PPM1E: variants seen among roughly 807,000 people sequenced by gnomAD.
PPM1E encodes the protein protein phosphatase, Mg2+/Mn2+ dependent 1E, also known as protein phosphatase 1E.
A neutral mutation model predicts 65.9 loss-of-function variants in PPM1E; 20 were observed. The ratio of observed to expected loss-of-function variants is 0.30; its 90% CI spans 0.21 to 0.44. PPM1E has a LOEUF of 0.44. PPM1E is among the 20% of genes least tolerant of loss of function. PPM1E has a pLI of 1.00. For missense variants in PPM1E, 713 were observed against 953.1 expected (o/e 0.75, Z 3.32); for synonymous variants, 352 against 374.9 (o/e 0.94, Z 0.70).
At chr17:58,941,465 T>G (rs1435643142) in intron 1 of PPM1E, among the ~76,000 whole-genome samples, 1 of 137,306 alleles carries the variant, frequency 7.3e-6, no homozygotes, top group African/African-American at 2.7e-5. Context: ...GAGGCTGAGG[T>G]TGGCGGGTCA....
At chr17:58,891,296 A>G (rs2143431287) in intron 1 of PPM1E, among the ~76,000 whole-genome samples, 1 of 152,138 alleles carries the variant, frequency 6.6e-6, no homozygotes, top group Admixed American at 6.5e-5. Context: ...TGAATGAATC[A>G]ATAAGCCTCT....
intron 1 of PPM1E, among the ~76,000 whole-genome samples, chr17:58,818,300 CAG>C (rs1382155146): frequency 6.6e-6 from 1 of 152,138 alleles, no homozygotes; most frequent in Non-Finnish European, 1.5e-5. Flanking sequence ...AGAGGTTTAA[CAG>C]AGAGGTTAAA....
At chr17:58,858,442 ATC>A (rs1014653150) in intron 1 of PPM1E, among the ~76,000 whole-genome samples, 3 of 151,836 alleles carry the variant, frequency 2.0e-5, no homozygotes, top group African/African-American at 7.3e-5. Context: ...CCTTTAACAA[ATC>A]TCTCTCTATC....
At chr17:58,920,709 A>G (rs1050621233) in intron 1 of PPM1E, among the ~76,000 whole-genome samples, 2 of 152,238 alleles carry the variant, frequency 1.3e-5, no homozygotes, top group African/African-American at 4.8e-5. Context: ...AGCATTAGAT[A>G]TCCAAGAGCA....
At chr17:58,790,609 G>A (rs2050147903) in intron 1 of PPM1E, among the ~76,000 whole-genome samples, 3 of 152,096 alleles carry the variant, frequency 2.0e-5, no homozygotes, top group Admixed American at 2.0e-4. Context: ...CTGGGTCTCT[G>A]GAAATATTTT....
intron 1 of PPM1E, among the ~76,000 whole-genome samples, chr17:58,932,698 A>G (rs986857477): frequency 1.3e-5 from 2 of 152,212 alleles, no homozygotes; most frequent in Non-Finnish European, 2.9e-5. Flanking sequence ...CATATGAAAA[A>G]TATTATTATT....
chr17:58,873,042 C>G (rs1342832077), intron 1 of PPM1E, among the ~76,000 whole-genome samples: 1 of 152,172 alleles, frequency 6.6e-6, no homozygotes, highest in Non-Finnish European at 1.5e-5. Context: ...ACATTCCTCT[C>G]AAGGCTCAAA....
In PPM1E at chr17:58,917,674, C is replaced by G. The variant is rs141319074; in HGVS notation, c.465-37975C>G. The stretch of plus-strand genomic sequence containing the variant: ...GAAAATAAAATGACTTTGAGCCCTT[C>G]TATAGTATTTATCTACTGCCAACTA... On this transcript the variant is annotated intron_variant, in intron 1 of 6. Coordinates refer to ENST00000308249, the MANE Select transcript of PPM1E (RefSeq NM_014906.5). 5.2e-3 allele frequency among the ~76,000 whole-genome samples: 798 copies of G among 152,264 alleles called. 16 individuals are homozygous for G. Among genetic ancestry groups the G allele is most frequent in the African/African-American group, 0.018 (752 of 41,556 alleles).
chr17:58,933,734 T>C (rs111976736), intron 1 of PPM1E, among the ~76,000 whole-genome samples: 9 of 150,894 alleles, frequency 6.0e-5, no homozygotes, highest in Non-Finnish European at 1.2e-4. Context: ...AAGTGGAGGT[T>C]TCAGTGAGCC....
At chr17:58,966,005 AT>A in intron 3 of PPM1E, 112 bp downstream of exon 3, 1 of 1,177,940 alleles carries the variant, frequency 8.5e-7, no homozygotes, top group Non-Finnish European at 1.2e-6. Flanking sequence ...TCTCTGGTAG[AT>A]TAGAGTAGGG....
Position 58,930,250 on chromosome 17 carries a change from T to TAC in PPM1E, c.465-25365_465-25364dup, listed in dbSNP as rs377147999. Among the ~76,000 whole-genome samples, 591 of 143,298 alleles carry TAC rather than the reference T, an allele frequency of 4.1e-3. 6 individuals carry two copies. Among genetic ancestry groups the TAC allele is most frequent in the African/African-American group, 0.011 (443 of 39,020 alleles). The allele number at this position is 143,298 out of a possible 152,430, so 94.0% of individuals were successfully genotyped here. A position where few individuals can be genotyped will look rare whatever the true frequency, so the allele number is the denominator to read the frequency against. On this transcript the variant is annotated intron_variant, in intron 1 of 6. Transcript: ENST00000308249. ...ACCTCTACAATAAATTAAATGTATA[T>TAC]ACACACACACACACACACACACACA... is the stretch of plus-strand genomic sequence containing the variant.
intron 1 of PPM1E, among the ~76,000 whole-genome samples, chr17:58,799,805 C>T (rs2050242325): frequency 6.6e-6 from 1 of 152,136 alleles, no homozygotes; most frequent in Non-Finnish European, 1.5e-5. Context: ...GTCTCCAACT[C>T]CTGAGCTCAA....
rs780992600 is a variant in PPM1E at position 58,792,743 on chromosome 17, CTTTTTTTTTTTTT to C, written c.464+36299_464+36311del. On this transcript the variant is annotated intron_variant, in intron 1 of 6. Coordinates refer to ENST00000308249, the MANE Select transcript of PPM1E (RefSeq NM_014906.5). ...TATTTTATTTTATAAGAATTTTACTCTTTTTTTTTTTTTTTTTTTTTTTTTTTTTGAGATGGAG... is the reference window on the plus strand; with the variant it reads ...TATTTTATTTTATAAGAATTTTACTCTTTTTTTTTTTTTTTTGAGATGGAG... 5.5e-3 allele frequency among the ~76,000 whole-genome samples: 419 copies of C among 76,386 alleles called. 7 individuals carry two copies. Among genetic ancestry groups the C allele is most frequent in the African/African-American group, 0.024 (381 of 15,652 alleles). 50.1% of individuals were successfully genotyped at this position (76,386 alleles called of 152,430 possible). A position where few individuals can be genotyped will look rare whatever the true frequency, so the allele number is the denominator to read the frequency against.
rs1056566948 is a variant in PPM1E, at chr17:58,943,844, A to G, written c.465-11805A>G. Among the ~76,000 whole-genome samples the G allele has an allele frequency of 2.0e-5, 3 of 152,160 alleles. No individual in the cohort carries two copies. The East Asian group carries it at 5.8e-4, about 29-fold the overall frequency. Reference sequence around the variant, plus strand: ...CCTTCTTTAGAATGTAAGCTCTAAGAGGGCAGGGGTTTTTTCTTTTTTGTT... The same window carrying G: ...CCTTCTTTAGAATGTAAGCTCTAAGGGGGCAGGGGTTTTTTCTTTTTTGTT... On this transcript the variant is annotated intron_variant, in intron 1 of 6. Transcript: ENST00000308249.
intron 1 of PPM1E, among the ~76,000 whole-genome samples, chr17:58,872,423 A>G (rs1202618655): frequency 6.6e-6 from 1 of 152,224 alleles, no homozygotes; most frequent in Non-Finnish European, 1.5e-5. Flanking sequence ...GATTGGGTGA[A>G]TGAAAGTAAT....
rs548860383 is a variant in PPM1E, at chr17:58,828,340, GTCC to G, written c.464+71884_464+71886del. Among the ~76,000 whole-genome samples the G allele has an allele frequency of 1.7e-4, 26 of 152,050 alleles. 1 individual carries two copies. In the South Asian group the frequency reaches 4.8e-3, roughly 28 times the overall value. On this transcript the variant is annotated intron_variant, in intron 1 of 6. Coordinates refer to ENST00000308249, the MANE Select transcript of PPM1E (RefSeq NM_014906.5). ...TTACCCTTTTCTTCTTCATTCTCAA[GTCC>G]TCCTTGGAAACAACTATTTTAATTT...
chr17:58,947,110 GTTTTTTTTTTTT>G (rs56666470), intron 1 of PPM1E, among the ~76,000 whole-genome samples: 1 of 44,072 alleles, frequency 2.3e-5, no homozygotes, highest in Non-Finnish European at 3.7e-5. Flanking sequence ...CCTTTTTCCT[GTTTTTTTTTTTT>G]TTTTTTTTTT....
chr17:58,819,675 G>T (rs897916293), intron 1 of PPM1E, among the ~76,000 whole-genome samples: 5 of 152,034 alleles, frequency 3.3e-5, no homozygotes, highest in Non-Finnish European at 5.9e-5. Flanking sequence ...GGAAGGCAAA[G>T]GGGAGTAAGG....
chr17:58,873,028 A>AACCAC (rs2051088733), intron 1 of PPM1E, among the ~76,000 whole-genome samples: 1 of 152,222 alleles, frequency 6.6e-6, no homozygotes, highest in South Asian at 2.1e-4. Flanking sequence ...CAGGTCATAG[A>AACCAC]ACCACATTCC....
Sources: allele counts gnomAD v4.1 joint callset (sites outside exome capture counted in the v4.1 genomes callset), GRCh38; gene constraint gnomAD v4.1.1; transcripts MANE v1.5; gene names NCBI Gene and HGNC (gene_info 2026-07-23, HGNC 2026-07-21).